The following GOLGA4 variants were observed in gnomAD, a reference collection of about 807,000 sequenced individuals.
GOLGA4 encodes the protein golgin subfamily A member 4.
GOLGA4 carries 169 observed loss-of-function variants against 265.9 expected under a neutral mutation model. The observed-to-expected ratio is 0.64, with a 90% CI of 0.56 to 0.72. GOLGA4 has a LOEUF of 0.72. Among genes scored for constraint, GOLGA4 ranks in the 30% least tolerant of loss-of-function variants. The pLI is 0.00. For missense variants in GOLGA4, 2,482 were observed against 2,483.4 expected (o/e 1.00, Z 0.01); for synonymous variants, 923 against 855.8 (o/e 1.08, Z -1.37).
At chr3:37,353,715 T>G (rs369797641) in intron 21 of GOLGA4, among the ~76,000 whole-genome samples, 74 of 152,158 alleles carry the variant, frequency 4.9e-4, no homozygotes, top group Admixed American at 2.6e-4. Flanking sequence ...TAAGATTTTT[T>G]GTAGAGACGG....
intron 5 of GOLGA4, among the ~76,000 whole-genome samples, chr3:37,290,522 G>GTA (rs2096862059): frequency 6.6e-6 from 1 of 152,068 alleles, no homozygotes; most frequent in Non-Finnish European, 1.5e-5. Flanking sequence ...ACATGACTTT[G>GTA]AAAACCAGGC....
At chr3:37,276,809 C>CA (rs1477273553) in intron 2 of GOLGA4, among the ~76,000 whole-genome samples, 2 of 152,118 alleles carry the variant, frequency 1.3e-5, no homozygotes, top group African/African-American at 4.8e-5. Flanking sequence ...GTACCTGTTT[C>CA]AAAACATATT....
intron 16 of GOLGA4, among the ~76,000 whole-genome samples, chr3:37,330,138 A>G (rs1448432192): frequency 6.6e-6 from 1 of 151,778 alleles, no homozygotes; most frequent in African/African-American, 2.4e-5. Context: ...AAAAAAAAGT[A>G]TTATTTCTTG....
chr3:37,306,497 TTC>T (rs201929228), intron 10 of GOLGA4, among the ~76,000 whole-genome samples: 2,851 of 130,742 alleles, frequency 0.022, 30 homozygotes, highest in Non-Finnish European at 0.031. Context: ...TTCTTGGCTG[TTC>T]TCTGTGTGTG....
At chr3:37,352,462 A>G (rs532889063) in intron 21 of GOLGA4, among the ~76,000 whole-genome samples, 3 of 152,172 alleles carry the variant, frequency 2.0e-5, no homozygotes, top group South Asian at 4.2e-4. Flanking sequence ...GGTCCTTCCC[A>G]CAACACATGG....
Position 37,325,289 on chromosome 3 carries a change from C to T in GOLGA4, c.3403C>T (p.His1135Tyr). ...LAQDETKLKA[H>Y]LEKLEVDLNK... ...ACAAGATGAAACTAAACTGAAAGCT[C>T]ATCTTGAAAAGCTAGAGGTTGACTT... Residue 1135 changes from histidine to tyrosine, a missense_variant, in exon 14 of 24, where the codon CAT becomes TAT. Physicochemically the swap from His to Tyr is moderately conservative, Grantham distance 83 (BLOSUM62 2). This residue lies in a region of GOLGA4 where 1,536 missense variants were observed against 1,483.7 expected (regional missense o/e 1.04). Transcript: ENST00000361924. The T allele has an allele frequency of 6.2e-7, 1 of 1,613,528 alleles. No homozygotes were observed. The highest frequency in any genetic ancestry group is 8.5e-7 in the Non-Finnish European group (1 of 1,179,736).
intron 5 of GOLGA4, among the ~76,000 whole-genome samples, chr3:37,289,734 G>A (rs1028511249): frequency 6.6e-6 from 1 of 152,074 alleles, no homozygotes; most frequent in Non-Finnish European, 1.5e-5. Context: ...ACTTGCCATC[G>A]GAGTAGGCAA....
At chr3:37,296,759 C>T (rs1312602916) in intron 7 of GOLGA4, among the ~76,000 whole-genome samples, 2 of 151,938 alleles carry the variant, frequency 1.3e-5, no homozygotes, top group Admixed American at 6.6e-5. Context: ...TCAGTAGAGA[C>T]GGGCTTTCAC....
chr3:37,268,290 C>T (rs954572564), intron 2 of GOLGA4, among the ~76,000 whole-genome samples: 4 of 152,046 alleles, frequency 2.6e-5, no homozygotes, highest in African/African-American at 7.2e-5. Flanking sequence ...CAGAATATTG[C>T]TCAGACTCAT....
At position 37,281,805 on chromosome 3, in the gene GOLGA4, G is replaced by A. The variant is rs554195480; in HGVS notation, c.163-153G>A. 3.3e-5 allele frequency among the ~76,000 whole-genome samples: 5 copies of A among 152,306 alleles called. No homozygotes were observed. The South Asian group carries it at 8.3e-4, about 25-fold the overall frequency. The stretch of plus-strand genomic sequence containing the variant: ...AACACTGTTTCAGCAATAACCAAGT[G>A]TTTTGTTTTTCAGAAAACAATGTAT... On this transcript the variant is annotated intron_variant, in intron 2 of 23. Transcript: ENST00000361924.
At chr3:37,313,397 T>C (rs1012677179) in intron 10 of GOLGA4, 4 of 152,232 alleles carry the variant, frequency 2.6e-5, no homozygotes, top group African/African-American at 9.6e-5. Context: ...AACCAAATTG[T>C]TAATGAAAGA....
Position 37,324,499 on chromosome 3 carries a change from AAAAC to A in GOLGA4, c.2617_2620del (p.Gln873IlefsTer8). 6.2e-7 allele frequency: 1 copy of A among 1,614,064 alleles called. No individual in the cohort carries two copies. The highest frequency in any genetic ancestry group is 8.5e-7 in the Non-Finnish European group (1 of 1,179,952). ...TGCAGGACTTAATGCAGCAACTTGA[AAAAC>A]AAAATAGTGAAATGGAGCAAAAAGT... On this transcript the variant is annotated frameshift_variant, in exon 14 of 24. Coordinates refer to ENST00000361924, the MANE Select transcript of GOLGA4 (RefSeq NM_002078.5). LOFTEE classifies it high-confidence loss of function.
At chr3:37,355,906 C>G (rs563489947) in intron 22 of GOLGA4, among the ~76,000 whole-genome samples, 1 of 151,944 alleles carries the variant, frequency 6.6e-6, no homozygotes. Flanking sequence ...CGTGAATACC[C>G]TTCTCCTCCC....
At chr3:37,300,274 T>C (rs2096889239) in intron 9 of GOLGA4, among the ~76,000 whole-genome samples, 1 of 152,178 alleles carries the variant, frequency 6.6e-6, no homozygotes, top group South Asian at 2.1e-4. Flanking sequence ...CTCCAAGTTC[T>C]TGGGTCCTTT....
In GOLGA4 at chr3:37,325,104, TAGC is replaced by T; in HGVS notation, c.3221_3223del (p.Ala1074del). 6.2e-7 allele frequency: 1 copy of T among 1,612,342 alleles called. No individual in the cohort carries two copies. Among genetic ancestry groups the T allele is most frequent in the Non-Finnish European group, 8.5e-7 (1 of 1,178,860 alleles). On this transcript the variant is annotated inframe_deletion, in exon 14 of 24. Transcript: ENST00000361924. The stretch of plus-strand genomic sequence containing the variant: ...CAATTACAGGAAAAAGAACAAGAGG[TAGC>T]AGAACTGAAACAAAAGATCCTCCTA...
intron 10 of GOLGA4, among the ~76,000 whole-genome samples, chr3:37,308,599 A>G (rs761495519): frequency 6.7e-6 from 1 of 148,646 alleles, no homozygotes; most frequent in Non-Finnish European, 1.5e-5. Flanking sequence ...TTACTGTATT[A>G]ATAATTAAAA....
intron 5 of GOLGA4, among the ~76,000 whole-genome samples, chr3:37,294,253 A>G (rs182934820): frequency 1.3e-5 from 2 of 152,264 alleles, no homozygotes; most frequent in Admixed American, 6.5e-5. Flanking sequence ...ACTATCAGAC[A>G]CTTTCATATG....
intron 6 of GOLGA4, among the ~76,000 whole-genome samples, chr3:37,295,844 T>C (rs13315666): frequency 0.015 from 2,287 of 152,356 alleles, 54 homozygotes; most frequent in African/African-American, 0.052. Context: ...GTACAACAAC[T>C]ACTTGCATAG....
At chr3:37,284,786 C>T (rs2096843981) in intron 3 of GOLGA4, among the ~76,000 whole-genome samples, 1 of 151,562 alleles carries the variant, frequency 6.6e-6, no homozygotes, top group East Asian at 2.0e-4. Context: ...CCACCTCAAT[C>T]TCCTGAGTAG....
Sources: gnomAD v4.1 joint callset for allele counts (sites outside exome capture counted in the v4.1 genomes callset) on GRCh38, gnomAD v4.1.1 for gene constraint, gnomAD v4.1.1 regional missense constraint, MANE v1.5 for transcripts, NCBI Gene and HGNC (gene_info 2026-07-23, HGNC 2026-07-21) for gene names.